The following B3GAT2 variants were observed in gnomAD, a reference collection of about 807,000 sequenced individuals.
B3GAT2 encodes beta-1,3-glucuronyltransferase 2, also known as galactosylgalactosylxylosylprotein 3-beta-glucuronosyltransferase 2.
Under a neutral mutation model 27.8 loss-of-function variants are expected in B3GAT2, and 26 were observed. That is an observed-to-expected ratio of 0.93 (90% confidence interval 0.68 to 1.30). The LOEUF (loss-of-function observed/expected upper bound fraction) is 1.30. Ranked by LOEUF, B3GAT2 falls within the 50% of genes most tolerant of loss-of-function variation. The pLI is 0.00. For synonymous variants in B3GAT2, 218 were observed against 195.1 expected, an observed-to-expected ratio of 1.12 and a Z score of -0.98; for missense variants, 458 against 459.0, an observed-to-expected ratio of 1.00 and a Z score of 0.02.
At chr6:70,944,307 G>A (rs1765440745) in intron 1 of B3GAT2, among the ~76,000 whole-genome samples, 1 of 152,160 alleles carries the variant, frequency 6.6e-6, no homozygotes, top group Non-Finnish European at 1.5e-5. Context: ...GGGTCAGGGA[G>A]TTCCCTTTCC....
intron 2 of B3GAT2, among the ~76,000 whole-genome samples, chr6:70,877,754 AAC>A (rs1233081477): frequency 1.6e-4 from 24 of 152,278 alleles, no homozygotes; most frequent in African/African-American, 5.1e-4. Context: ...CTGTGGGTAA[AAC>A]ACACTGTCCT....
chr6:70,907,295 G>T (rs1772617778), intron 1 of B3GAT2, among the ~76,000 whole-genome samples: 1 of 152,138 alleles, frequency 6.6e-6, no homozygotes, highest in Non-Finnish European at 1.5e-5. Flanking sequence ...CCTAAGGATG[G>T]TCCCTTTCTG....
intron 1 of B3GAT2, among the ~76,000 whole-genome samples, chr6:70,906,083 AC>A (rs1445790399): frequency 6.6e-6 from 1 of 152,142 alleles, no homozygotes; most frequent in Non-Finnish European, 1.5e-5. Flanking sequence ...GCTCTAGTTT[AC>A]TTAATACCAT....
intron 1 of B3GAT2, among the ~76,000 whole-genome samples, chr6:70,935,784 G>C (rs540418377): frequency 5.9e-5 from 9 of 152,274 alleles, no homozygotes; most frequent in Admixed American, 2.6e-4. Flanking sequence ...ACCGGTACCA[G>C]CCACTGCAAA....
intron 1 of B3GAT2, among the ~76,000 whole-genome samples, chr6:70,917,385 G>A (rs1374363379): frequency 6.6e-6 from 1 of 151,642 alleles, no homozygotes; most frequent in East Asian, 1.9e-4. Context: ...AGGGTTTTTT[G>A]TGTCTCTCTC....
intron 1 of B3GAT2, among the ~76,000 whole-genome samples, chr6:70,921,041 C>T (rs1212935845): frequency 2.0e-5 from 3 of 152,170 alleles, no homozygotes; most frequent in African/African-American, 7.2e-5. Context: ...CCCCTTTTCT[C>T]TAGCTGCCTT....
chr6:70,870,074 A>G (rs1204659333), intron 2 of B3GAT2, among the ~76,000 whole-genome samples: 1 of 152,160 alleles, frequency 6.6e-6, no homozygotes, highest in East Asian at 1.9e-4. Flanking sequence ...TCATGCTGCT[A>G]GAAAGACACA....
intron 2 of B3GAT2, among the ~76,000 whole-genome samples, chr6:70,881,568 C>T (rs1772098965): frequency 6.6e-6 from 1 of 152,154 alleles, no homozygotes. Flanking sequence ...CTCAACACTT[C>T]AGAGGCGGCT....
Position 70,862,025 on chromosome 6 carries a change from ACTT to A in B3GAT2, c.737-50_737-48del, listed in dbSNP as rs1393140526. On this transcript the variant is annotated intron_variant, in intron 2 of 3. Coordinates refer to ENST00000230053, the MANE Select transcript of B3GAT2 (RefSeq NM_080742.3). ...AAAAGAGACTTTAAAATCCTGGTGT[ACTT>A]CTCTTTTTTTCTGTATAATTTTGGT... 18 of 1,516,520 alleles carry A rather than the reference ACTT, an allele frequency of 1.2e-5. No homozygotes were observed. In the African/African-American group the frequency reaches 1.3e-4, roughly 11 times the overall value. The allele number at this position is 1,516,520 out of a possible 1,614,324, so 93.9% of individuals were successfully genotyped here.
intron 1 of B3GAT2, among the ~76,000 whole-genome samples, chr6:70,946,047 T>C (rs1339619686): frequency 2.6e-5 from 4 of 152,008 alleles, no homozygotes; most frequent in African/African-American, 9.7e-5. Context: ...CCACCAGGCC[T>C]GCCCTAAAAG....
chr6:70,884,815 C>T (rs1772157274), intron 2 of B3GAT2, among the ~76,000 whole-genome samples: 2 of 152,194 alleles, frequency 1.3e-5, no homozygotes, highest in Non-Finnish European at 2.9e-5. Context: ...GCCGACTGAC[C>T]ACAGCGGTTG....
intron 1 of B3GAT2, among the ~76,000 whole-genome samples, chr6:70,921,029 T>C (rs1459537507): frequency 6.6e-6 from 1 of 152,222 alleles, no homozygotes; most frequent in Non-Finnish European, 1.5e-5. Flanking sequence ...GTAGGTGACC[T>C]GCCCCTTTTC....
chr6:70,935,955 G>A (rs1002032851), intron 1 of B3GAT2, among the ~76,000 whole-genome samples: 1 of 151,354 alleles, frequency 6.6e-6, no homozygotes, highest in African/African-American at 2.4e-5. Context: ...GACACAGACT[G>A]GCAAATTGGA....
intron 1 of B3GAT2, among the ~76,000 whole-genome samples, chr6:70,945,736 T>A (rs1765470664): frequency 6.8e-6 from 1 of 147,570 alleles, no homozygotes; most frequent in African/African-American, 2.5e-5. Context: ...ACAAAGATAC[T>A]CCTCGAGAAG....
At chr6:70,927,356 G>GC (rs1454684056) in intron 1 of B3GAT2, among the ~76,000 whole-genome samples, 1 of 152,134 alleles carries the variant, frequency 6.6e-6, no homozygotes, top group Non-Finnish European at 1.5e-5. Context: ...TGGGCTAAAA[G>GC]CCCCAATTAA....
chr6:70,956,899 G>A lies in B3GAT2; in HGVS notation c.-470C>T. 3 of 1,022,016 alleles carry A rather than the reference G, an allele frequency of 2.9e-6. No homozygotes were observed. The highest frequency in any genetic ancestry group is 3.5e-6 in the Non-Finnish European group (3 of 853,926). The allele number at this position is 1,022,016 out of a possible 1,614,324, so 63.3% of individuals were successfully genotyped here. On this transcript the variant is annotated 5_prime_UTR_variant, in exon 1 of 4. Coordinates refer to ENST00000230053, the MANE Select transcript of B3GAT2 (RefSeq NM_080742.3). ...CTCTCTGGGACGCCTTCGAGGGCGG[G>A]CGGCGGCGCTGGGGGCTTTCCTTCC... is the stretch of plus-strand genomic sequence containing the variant.
chr6:70,941,912 C>G (rs1020275789), intron 1 of B3GAT2, among the ~76,000 whole-genome samples: 1 of 152,116 alleles, frequency 6.6e-6, no homozygotes, highest in Non-Finnish European at 1.5e-5. Context: ...GGAGAAACAA[C>G]TGAAATACAT....
At chr6:70,879,217 G>T (rs967384168) in intron 2 of B3GAT2, among the ~76,000 whole-genome samples, 1 of 151,784 alleles carries the variant, frequency 6.6e-6, no homozygotes, top group African/African-American at 2.4e-5. Flanking sequence ...TGTTTTTTGA[G>T]AAAAATATTT....
chr6:70,927,582 C>T lies in B3GAT2; in HGVS notation c.591+28257G>A, dbSNP rs182892122. On this transcript the variant is annotated intron_variant, in intron 1 of 3. Coordinates refer to ENST00000230053, the MANE Select transcript of B3GAT2 (RefSeq NM_080742.3). ...CAAAGATCAAAAGAGACAAAGAAGG[C>T]CGTTAACATAATGGTAAAGGGATCA... Among the ~76,000 whole-genome samples, 170 of 152,226 alleles carry T rather than the reference C, an allele frequency of 1.1e-3. 2 individuals are homozygous for T. The highest frequency in any genetic ancestry group is 3.8e-3 in the African/African-American group (159 of 41,528).
Sources: allele counts gnomAD v4.1 joint callset (sites outside exome capture counted in the v4.1 genomes callset), GRCh38; gene constraint gnomAD v4.1.1; transcripts MANE v1.5; gene names NCBI Gene and HGNC (gene_info 2026-07-23, HGNC 2026-07-21).